AHNAK: variants seen among roughly 807,000 people sequenced by gnomAD.
The protein encoded by AHNAK is AHNAK nucleoprotein, also known as neuroblast differentiation-associated protein AHNAK.
In AHNAK, 23 loss-of-function variants were observed where a neutral mutation model predicts 37.8. That is an observed-to-expected ratio of 0.61 (90% CI 0.44 to 0.86). AHNAK has a LOEUF of 0.86. Among genes scored for constraint, AHNAK ranks in the 40% least tolerant of loss-of-function variants. The pLI, the probability that AHNAK is intolerant of heterozygous loss-of-function variation, is 0.00. For missense variants in AHNAK, 7,411 were observed against 7,319.4 expected, an observed-to-expected ratio of 1.01 and a Z score of -0.46; for synonymous variants, 2,481 against 2,636.3, an observed-to-expected ratio of 0.94 and a Z score of 1.80.
Position 62,517,822 on chromosome 11 carries a change from A to C in AHNAK, c.16595T>G (p.Val5532Gly), listed in dbSNP as rs1349534016. Residue 5532 changes from valine to glycine, a missense_variant, in exon 5 of 5, where the codon GTA becomes GGA. Transcript: ENST00000378024. Reference protein sequence around the residue: ...EIKGGLKGSEVGFHGAAPDIS... With the variant: ...EIKGGLKGSEGGFHGAAPDIS... ...ATCAGGAGCAGCCCCATGGAAACCT[A>C]CTTCTGAACCTTTCAGACCACCTTT... The C allele has an allele frequency of 6.2e-7, 1 of 1,614,030 alleles. No individual in the cohort carries two copies. Among genetic ancestry groups the C allele is most frequent in the African/African-American group, 1.3e-5 (1 of 74,894 alleles).
intron 5 of AHNAK, among the ~76,000 whole-genome samples, chr11:62,476,251 TG>T (rs1346595615): frequency 7.2e-5 from 11 of 152,136 alleles, no homozygotes; most frequent in Admixed American, 3.9e-4. Context: ...TAGCTGGGCA[TG>T]GTGGCGCATG....
At position 62,520,843 on chromosome 11, in the gene AHNAK, T is replaced by C. The variant is rs759822141; in HGVS notation, c.13574A>G (p.Asp4525Gly). 2.5e-6 allele frequency: 4 copies of C among 1,614,156 alleles called. No homozygotes were observed. In the South Asian group the frequency reaches 4.4e-5, roughly 18 times the overall value. Residue 4525 changes from aspartate (D) to glycine (G), a missense_variant, in exon 5 of 5, where the codon GAT (aspartate) becomes GGT (glycine). Physicochemically the swap from Asp to Gly is moderately conservative, Grantham distance 94. Transcript: ENST00000378024. ...TATCTTAGGTCCTTTCAAATTCAAATCAATGTCACTCATGGAGATTTGTGG... is the reference window on the plus strand; with the variant it reads ...TATCTTAGGTCCTTTCAAATTCAAACCAATGTCACTCATGGAGATTTGTGG... Reference protein sequence around the residue: ...KSPQISMSDIDLNLKGPKIKG... With the variant: ...KSPQISMSDIGLNLKGPKIKG...
Position 62,529,027 on chromosome 11 carries a change from C to T in AHNAK, c.5390G>A (p.Gly1797Glu). Reference sequence around the variant, plus strand: ...TTCTGGCACAGAAGCATCTATCTCTCCCTTCAGTTTGGGTCCCTTCAAATT... The same window carrying T: ...TTCTGGCACAGAAGCATCTATCTCTTCCTTCAGTTTGGGTCCCTTCAAATT... ...DLNLKGPKLK[G>E]EIDASVPELE... Residue 1797 changes from glycine (G) to glutamate (E), a missense_variant, in exon 5 of 5, where the codon GGA becomes GAA. Transcript: ENST00000378024. The T allele has an allele frequency of 6.2e-7, 1 of 1,614,204 alleles. No homozygotes were observed. Among genetic ancestry groups the T allele is most frequent in the Non-Finnish European group, 8.5e-7 (1 of 1,180,028 alleles).
At chr11:62,485,870 A>T (rs1274414586) in intron 5 of AHNAK, among the ~76,000 whole-genome samples, 1 of 150,750 alleles carries the variant, frequency 6.6e-6, no homozygotes, top group African/African-American at 2.4e-5. Context: ...AATAACAAAA[A>T]ATTAGCCAGA....
chr11:62,467,133 G>A (rs1284816679), intron 5 of AHNAK, among the ~76,000 whole-genome samples: 1 of 151,510 alleles, frequency 6.6e-6, no homozygotes, highest in Non-Finnish European at 1.5e-5. Flanking sequence ...GAGCCCAGGA[G>A]GCAGAGAGGC....
At chr11:62,490,521 G>A (rs1370669486) in intron 5 of AHNAK, among the ~76,000 whole-genome samples, 1 of 152,044 alleles carries the variant, frequency 6.6e-6, no homozygotes, top group East Asian at 1.9e-4. Flanking sequence ...CTTTAAAGGA[G>A]GTGGAGTATG....
intron 5 of AHNAK, among the ~76,000 whole-genome samples, chr11:62,474,063 A>G (rs1265292136): frequency 6.6e-6 from 1 of 152,144 alleles, no homozygotes; most frequent in African/African-American, 2.4e-5. Flanking sequence ...ATCACTGTAC[A>G]TTGTATACAT....
At chr11:62,545,136 C>T (rs773523964) in intron 1 of AHNAK, among the ~76,000 whole-genome samples, 2 of 152,198 alleles carry the variant, frequency 1.3e-5, no homozygotes, top group African/African-American at 4.8e-5. Context: ...TTCCACAAAT[C>T]CCCTCCACAG....
At chr11:62,450,595 C>T (rs1405744350) in intron 5 of AHNAK, among the ~76,000 whole-genome samples, 3 of 152,252 alleles carry the variant, frequency 2.0e-5, no homozygotes, top group African/African-American at 7.2e-5. Context: ...ATGCAAACTA[C>T]AGCTCCAGCT....
Position 62,489,772 on chromosome 11 carries a change from G to A in AHNAK, c.442+1960C>T, listed in dbSNP as rs540290456. ...AGAGGTTGCCCGGAGAGAGAGTCCC[G>A]AGTGAGAAAAACAAAAACCCATGAC... On this transcript the variant is annotated intron_variant, in intron 5 of 5. Transcript: ENST00000257247. Among the ~76,000 whole-genome samples, 4 of 152,070 alleles carry A rather than the reference G, an allele frequency of 2.6e-5. No homozygotes were observed. In the South Asian group the frequency reaches 8.3e-4, roughly 32 times the overall value.
In AHNAK at chr11:62,528,551, C is replaced by A. The variant is rs142705171; in HGVS notation, c.5866G>T (p.Val1956Leu). ...TCAACATCAGGCACCTCCACACCCACACTGGGACCTGTTAAATCTCCCTCC... is the reference window on the plus strand; with the variant it reads ...TCAACATCAGGCACCTCCACACCCAAACTGGGACCTGTTAAATCTCCCTCC... ...KLEGDLTGPS[V>L]GVEVPDVELE... The change falls in exon 5 of 5, where the codon GTG becomes TTG. Residue 1956 changes from valine to leucine, a missense_variant. Coordinates refer to ENST00000378024, the MANE Select transcript of AHNAK (RefSeq NM_001620.3). The A allele has an allele frequency of 2.3e-3, 3,743 of 1,613,200 alleles. 57 individuals are homozygous for A. In the East Asian group the frequency reaches 0.036, roughly 15 times the overall value.
At chr11:62,483,065 G>A (rs540623838) in intron 5 of AHNAK, among the ~76,000 whole-genome samples, 9 of 152,290 alleles carry the variant, frequency 5.9e-5, no homozygotes, top group Non-Finnish European at 1.0e-4. Context: ...AAGAAGCACT[G>A]CCTGGAGAGT....
Position 62,491,743 on chromosome 11 carries a change from G to A in AHNAK, c.431C>T (p.Thr144Ile), listed in dbSNP as rs761317037. ...ATCACTTCTCTCACCTGCATTTGGG[G>A]TGGAGACTGAAACTGCCCCGGCTTG... Residue 144 changes from threonine (T) to isoleucine (I), a missense_variant, in exon 5 of 6, where the codon ACC becomes ATC. Coordinates refer to the AHNAK transcript ENST00000257247. 18 of 1,610,962 alleles carry A rather than the reference G, an allele frequency of 1.1e-5. No homozygotes were observed. In the Middle Eastern group the frequency reaches 6.6e-4, roughly 59 times the overall value.
chr11:62,513,064 C>T (rs892952791), downstream of AHNAK, among the ~76,000 whole-genome samples: 14 of 152,234 alleles, frequency 9.2e-5, no homozygotes, highest in African/African-American at 3.4e-4. Context: ...CACACAGTCA[C>T]ACTGCCTAAA....
chr11:62,513,464 G>A (rs1939950477), downstream of AHNAK, among the ~76,000 whole-genome samples: 1 of 152,142 alleles, frequency 6.6e-6, no homozygotes, highest in African/African-American at 2.4e-5. Context: ...GAACCCGGGA[G>A]GCGGAGTTTG....
intron 5 of AHNAK, among the ~76,000 whole-genome samples, chr11:62,435,613 C>T (rs1758935909): frequency 6.6e-6 from 1 of 152,160 alleles, no homozygotes; most frequent in Non-Finnish European, 1.5e-5. Context: ...CGGGGTTTCA[C>T]CGTGTTAGAC....
chr11:62,533,040 T>C lies in AHNAK; in HGVS notation c.1377A>G (p.Glu459=). 1 of 1,613,750 alleles carries C rather than the reference T, an allele frequency of 6.2e-7. No homozygotes were observed. The highest frequency in any genetic ancestry group is 8.5e-7 in the Non-Finnish European group (1 of 1,179,860). ...CCCCAGAGACCCCAGGAACAGTCAC[T>C]TCACCTGTAGGCAGTGTCACATCAA... The part of the protein sequence containing the change: ...TGIDVTLPTG[E]VTVPGVSGDV... The change falls in exon 5 of 5, where the codon GAA becomes GAG. Residue 459 remains glutamate, a synonymous_variant. Transcript: ENST00000378024.
At chr11:62,500,811 A>G (rs1347876924) in intron 4 of AHNAK, among the ~76,000 whole-genome samples, 2 of 152,210 alleles carry the variant, frequency 1.3e-5, no homozygotes, top group Non-Finnish European at 2.9e-5. Context: ...AGAAGCCTCT[A>G]TGTCAGCTGA....
chr11:62,538,172 G>C (rs1391639807), intron 1 of AHNAK, among the ~76,000 whole-genome samples: 1 of 152,092 alleles, frequency 6.6e-6, no homozygotes, highest in Admixed American at 6.5e-5. Flanking sequence ...AGCTCTGGGA[G>C]CCCTGCCACA....
Sources: allele counts gnomAD v4.1 joint callset (sites outside exome capture counted in the v4.1 genomes callset), GRCh38; gene constraint gnomAD v4.1.1; transcripts MANE v1.5; gene names NCBI Gene and HGNC (gene_info 2026-07-23, HGNC 2026-07-21).